IGSF21: variants seen among roughly 807,000 people sequenced by gnomAD.
IGSF21 encodes immunoglobulin superfamily member 21.
IGSF21 carries 28 observed loss-of-function variants against 46.8 expected under a neutral mutation model. That is an observed-to-expected ratio of 0.60 (90% CI 0.44 to 0.82). The LOEUF (loss-of-function observed/expected upper bound fraction) is 0.82, where lower values mean the gene tolerates loss of function less well. Among genes scored for constraint, IGSF21 ranks in the 40% least tolerant of loss-of-function variants. IGSF21 has a pLI of 0.00. For missense variants in IGSF21, 624 were observed against 665.5 expected, an observed-to-expected ratio of 0.94 and a Z score of 0.69; for synonymous variants, 284 against 273.6, an observed-to-expected ratio of 1.04 and a Z score of -0.38.
At chr1:18,270,950 T>C (rs760795358) in intron 2 of IGSF21, among the ~76,000 whole-genome samples, 9 of 152,334 alleles carry the variant, frequency 5.9e-5, no homozygotes, top group Admixed American at 2.0e-4. Context: ...TACCTGACCG[T>C]GCAAGTAATT....
Position 18,365,103 on chromosome 1 carries a change from T to G in IGSF21, c.541-120T>G. 1.4e-6 allele frequency: 1 copy of G among 738,494 alleles called. No individual in the cohort carries two copies. Among genetic ancestry groups the G allele is most frequent in the East Asian group, 2.5e-5 (1 of 40,032 alleles). The allele number at this position is 738,494 out of a possible 1,614,324, so 45.7% of individuals were successfully genotyped here. A position where few individuals can be genotyped will look rare whatever the true frequency, so the allele number is the denominator to read the frequency against. ...GGGAAAAGAGTGGGGTGAGGGCTAC[T>G]GTCTAGACTACTATGCTCTGGAAGA... On this transcript the variant is annotated intron_variant, in intron 5 of 9. Transcript: ENST00000251296. This position sits in a 1 kb window ranked among gnomAD's most constrained non-coding sequence, Gnocchi z 4.8.
chr1:18,198,492 G>A (rs540879928), intron 1 of IGSF21, among the ~76,000 whole-genome samples: 20 of 152,262 alleles, frequency 1.3e-4, no homozygotes, highest in African/African-American at 3.9e-4. Context: ...CATCTCCCCC[G>A]TTTTTATTTT....
intron 4 of IGSF21, among the ~76,000 whole-genome samples, chr1:18,355,469 C>T (rs1171226497): frequency 6.6e-6 from 1 of 152,106 alleles, no homozygotes; most frequent in East Asian, 1.9e-4. Flanking sequence ...CTCCTGCCTC[C>T]CTTGGTGGCC....
intron 3 of IGSF21, among the ~76,000 whole-genome samples, chr1:18,328,555 T>C (rs552843595): frequency 5.9e-5 from 9 of 152,318 alleles, no homozygotes; most frequent in Admixed American, 5.2e-4. Flanking sequence ...CCACAAGCGG[T>C]GCATGGTACA....
At chr1:18,167,799 C>T (rs1211772512) in intron 1 of IGSF21, 1 of 152,168 alleles carries the variant, frequency 6.6e-6, no homozygotes, top group East Asian at 1.9e-4. Context: ...ACTGAACACT[C>T]TCTGTTCCCC....
At chr1:18,361,838 G>C (rs1452738425) in intron 4 of IGSF21, 1 of 348,952 alleles carries the variant, frequency 2.9e-6, no homozygotes, top group Non-Finnish European at 5.3e-6. Flanking sequence ...CCGGGGATCT[G>C]ATGCACTTCA....
intron 6 of IGSF21, among the ~76,000 whole-genome samples, chr1:18,369,102 C>T (rs957603963): frequency 1.3e-5 from 2 of 152,084 alleles, no homozygotes; most frequent in Admixed American, 6.5e-5. Flanking sequence ...CTGCACACAC[C>T]GGGGGATTTG....
rs528165903 is a variant in IGSF21 at position 18,172,949 on chromosome 1, C to A, written c.71-54949C>A. Among the ~76,000 whole-genome samples, 5 of 152,218 alleles carry A rather than the reference C, an allele frequency of 3.3e-5. No homozygotes were observed. In the East Asian group the frequency reaches 9.6e-4, roughly 29 times the overall value. ...CTCAATCCATAAGTCATCTTACTAT[C>A]CTACTCTGGGAAAGATAATTAATAT... On this transcript the variant is annotated intron_variant, in intron 1 of 9. Coordinates refer to ENST00000251296, the MANE Select transcript of IGSF21 (RefSeq NM_032880.5).
chr1:18,171,098 G>A (rs1022485685), intron 1 of IGSF21, among the ~76,000 whole-genome samples: 3 of 152,098 alleles, frequency 2.0e-5, no homozygotes, highest in African/African-American at 7.2e-5. Context: ...GACACTGTCT[G>A]GAGCAAGTGT....
chr1:18,304,362 T>C (rs1446194902), intron 3 of IGSF21, among the ~76,000 whole-genome samples: 1 of 152,108 alleles, frequency 6.6e-6, no homozygotes, highest in Non-Finnish European at 1.5e-5. Context: ...GATACAAATA[T>C]GGGAGCCACC....
chr1:18,173,279 T>G (rs2086759244), intron 1 of IGSF21, among the ~76,000 whole-genome samples: 1 of 152,184 alleles, frequency 6.6e-6, no homozygotes, highest in Non-Finnish European at 1.5e-5. Context: ...CAGGCAAGAC[T>G]CCGTCTCAAA....
rs761998504 is a variant in IGSF21 at position 18,269,180 on chromosome 1, T to C, written c.184-22686T>C. Among the ~76,000 whole-genome samples, 356 of 152,260 alleles carry C rather than the reference T, an allele frequency of 2.3e-3. 7 individuals carry two copies. Among genetic ancestry groups the C allele is most frequent in the Non-Finnish European group, 2.0e-3 (138 of 68,024 alleles). On this transcript the variant is annotated intron_variant, in intron 2 of 9. Coordinates refer to ENST00000251296, the MANE Select transcript of IGSF21 (RefSeq NM_032880.5). ...ACTGGGGATTGGGGTGGCTGCAGAC[T>C]CTGATGGGATCCCATAGCATCTGCA... is the stretch of plus-strand genomic sequence containing the variant.
Position 18,322,099 on chromosome 1 carries a change from T to G in IGSF21, c.306-12793T>G, listed in dbSNP as rs2124595000. On this transcript the variant is annotated intron_variant, in intron 3 of 9. Coordinates refer to ENST00000251296, the MANE Select transcript of IGSF21 (RefSeq NM_032880.5). The surrounding 1 kb of genome is among the most constrained non-coding windows in gnomAD (Gnocchi z 4.3). ...GGTTATTAGCTATTATTGTTCTTAT[T>G]GCAAAAGGCTTTCCCTGAGAATTGA... is the stretch of plus-strand genomic sequence containing the variant. 6.6e-6 allele frequency among the ~76,000 whole-genome samples: 1 copy of G among 152,286 alleles called. No homozygotes were observed. Among genetic ancestry groups the G allele is most frequent in the East Asian group, 1.9e-4 (1 of 5,168 alleles).
At chr1:18,231,907 C>T (rs528874803) in intron 2 of IGSF21, among the ~76,000 whole-genome samples, 1 of 127,318 alleles carries the variant, frequency 7.9e-6, no homozygotes, top group East Asian at 2.6e-4. Flanking sequence ...ATTTGGTAAC[C>T]TGACATCATT....
intron 1 of IGSF21, among the ~76,000 whole-genome samples, chr1:18,171,031 G>T (rs1179914056): frequency 1.3e-5 from 2 of 151,912 alleles, no homozygotes; most frequent in South Asian, 4.2e-4. Flanking sequence ...GCCCGTCGGG[G>T]AGGCTGCCTG....
chr1:18,366,515 A>G (rs1037823423), intron 6 of IGSF21, among the ~76,000 whole-genome samples: 2 of 152,156 alleles, frequency 1.3e-5, no homozygotes, highest in Middle Eastern at 3.2e-3. Flanking sequence ...ATTGCATATG[A>G]GCCCAGTGAG....
At chr1:18,226,232 C>T (rs2084564983) in intron 1 of IGSF21, among the ~76,000 whole-genome samples, 1 of 152,164 alleles carries the variant, frequency 6.6e-6, no homozygotes, top group Non-Finnish European at 1.5e-5. Context: ...ACCCACAGGC[C>T]CCCGTCCGCC....
At chr1:18,349,937 C>T (rs1036950967) in intron 4 of IGSF21, among the ~76,000 whole-genome samples, 11 of 152,008 alleles carry the variant, frequency 7.2e-5, no homozygotes, top group Admixed American at 1.3e-4. Context: ...AATCACACGA[C>T]GAAAATGAGG....
intron 1 of IGSF21, among the ~76,000 whole-genome samples, chr1:18,140,646 C>G (rs1019748200): frequency 1.3e-5 from 2 of 152,202 alleles, no homozygotes; most frequent in South Asian, 4.1e-4. Flanking sequence ...GGTTGCCTTC[C>G]CATTCCTCTT....
Sources: allele counts gnomAD v4.1 joint callset (sites outside exome capture counted in the v4.1 genomes callset), GRCh38; gene constraint gnomAD v4.1.1; non-coding constraint Gnocchi (gnomAD v3.1); transcripts MANE v1.5; gene names NCBI Gene and HGNC (gene_info 2026-07-23, HGNC 2026-07-21).